Variants in MARK3 observed in about 807,000 individuals in gnomAD.
MARK3 encodes microtubule affinity regulating kinase 3.
A neutral mutation model predicts 90.1 loss-of-function variants in MARK3; 46 were observed. That is an observed-to-expected ratio of 0.51 (90% CI 0.40 to 0.65). The LOEUF is 0.65. Among genes scored for constraint, MARK3 ranks in the 30% least tolerant of loss-of-function variants. MARK3 has a pLI of 0.00. For synonymous variants in MARK3, 321 were observed against 332.6 expected (o/e 0.97, Z 0.38); for missense variants, 818 against 947.2 (o/e 0.86, Z 1.79).
At chr14:103,462,924 T>G (rs2093429407) in intron 7 of MARK3, among the ~76,000 whole-genome samples, 1 of 152,060 alleles carries the variant, frequency 6.6e-6, no homozygotes, top group African/African-American at 2.4e-5. Context: ...GCAGAAACTC[T>G]CATTTTCTAC....
At chr14:103,461,135 G>T (rs933142205) in intron 6 of MARK3, among the ~76,000 whole-genome samples, 1 of 152,178 alleles carries the variant, frequency 6.6e-6, no homozygotes, top group Non-Finnish European at 1.5e-5. Context: ...AAGAGTTGAT[G>T]ATGATTTGGA....
intron 12 of MARK3, among the ~76,000 whole-genome samples, chr14:103,470,317 C>CAGT (rs963888118): frequency 6.6e-6 from 1 of 152,118 alleles, no homozygotes; most frequent in African/African-American, 2.4e-5. Flanking sequence ...CCAGGCTCTA[C>CAGT]AGTTGCTCTG....
intron 1 of MARK3, among the ~76,000 whole-genome samples, chr14:103,392,690 T>C (rs1444163160): frequency 6.6e-6 from 1 of 152,230 alleles, no homozygotes; most frequent in African/African-American, 2.4e-5. Flanking sequence ...TATTAAAAAT[T>C]GTGGTTCTGG....
At chr14:103,484,830 A>AG (rs1292110322) in intron 14 of MARK3, among the ~76,000 whole-genome samples, 1 of 152,046 alleles carries the variant, frequency 6.6e-6, no homozygotes, top group African/African-American at 2.4e-5. Flanking sequence ...CTGAGGCAGG[A>AG]GAATCACTTG....
In MARK3 at chr14:103,416,509, G is replaced by T. The variant is rs140798104; in HGVS notation, c.243+11242G>T. On this transcript the variant is annotated intron_variant, in intron 2 of 17. Transcript: ENST00000429436. ...AAGCAAGCCAGGCGTGGTGGATCAC[G>T]CCTGTAATCCCTGCACTTCGGGAGG... is the stretch of plus-strand genomic sequence containing the variant. Among the ~76,000 whole-genome samples the T allele has an allele frequency of 5.3e-5, 8 of 152,306 alleles. 1 individual carries two copies. In the East Asian group the frequency reaches 9.6e-4, roughly 18 times the overall value.
chr14:103,409,744 T>G (rs1355630743), intron 2 of MARK3, among the ~76,000 whole-genome samples: 1 of 152,176 alleles, frequency 6.6e-6, no homozygotes, highest in African/African-American at 2.4e-5. Flanking sequence ...TGACCATGTC[T>G]GGGTCTTAGT....
intron 6 of MARK3, among the ~76,000 whole-genome samples, chr14:103,459,680 T>A (rs2093355336): frequency 6.6e-6 from 1 of 151,160 alleles, no homozygotes; most frequent in Non-Finnish European, 1.5e-5. Context: ...TTTATTTTTT[T>A]TTTTGTAATT....
At chr14:103,497,154 C>T (rs11849549) in intron 15 of MARK3, among the ~76,000 whole-genome samples, 2,117 of 152,158 alleles carry the variant, frequency 0.014, 44 homozygotes, top group African/African-American at 0.048. Flanking sequence ...TATATTTAGG[C>T]AGTATATATT....
At chr14:103,500,470 G>C (rs2075600898) in intron 17 of MARK3, among the ~76,000 whole-genome samples, 1 of 152,188 alleles carries the variant, frequency 6.6e-6, no homozygotes. Context: ...GGTCTGGGTT[G>C]GGTAGCAGTG....
intron 5 of MARK3, among the ~76,000 whole-genome samples, chr14:103,452,722 C>T (rs893527330): frequency 3.0e-4 from 45 of 151,954 alleles, no homozygotes; most frequent in Non-Finnish European, 4.3e-4. Flanking sequence ...CCGCCCGCCT[C>T]GGCCTCCCAA....
Position 103,386,015 on chromosome 14 carries a change from T to C in MARK3, c.-15T>C. ...GTTTTGACCCTCGCATTGTGCAGAA[T>C]TAAAGTGCAGTAAAATGTCCACTAG... On this transcript the variant is annotated 5_prime_UTR_variant, in exon 1 of 18. Coordinates refer to ENST00000429436, the MANE Select transcript of MARK3 (RefSeq NM_001128918.3). 1 of 1,611,202 alleles carries C rather than the reference T, an allele frequency of 6.2e-7. No individual in the cohort carries two copies. The highest frequency in any genetic ancestry group is 8.5e-7 in the Non-Finnish European group (1 of 1,177,274).
chr14:103,412,272 C>G, intron 2 of MARK3: 1 of 677,378 alleles, frequency 1.5e-6, no homozygotes, highest in Non-Finnish European at 2.6e-6. Flanking sequence ...TGGCCAACAG[C>G]CACAGCCAAA....
chr14:103,423,720 G>A (rs1267029589), intron 2 of MARK3, among the ~76,000 whole-genome samples: 2 of 152,196 alleles, frequency 1.3e-5, no homozygotes, highest in East Asian at 1.9e-4. Flanking sequence ...GAGGGGATTA[G>A]GAACTCCCGC....
At chr14:103,443,161 CA>C (rs2092905789) in intron 3 of MARK3, among the ~76,000 whole-genome samples, 1 of 151,962 alleles carries the variant, frequency 6.6e-6, no homozygotes, top group African/African-American at 2.4e-5. Context: ...CATGACTTAC[CA>C]AAATTAACTC....
intron 6 of MARK3, among the ~76,000 whole-genome samples, chr14:103,462,033 T>TA (rs34942342): frequency 1.4e-5 from 2 of 140,540 alleles, no homozygotes; most frequent in African/African-American, 5.3e-5. Flanking sequence ...GAGACTCTGT[T>TA]AAAAAAAAAA....
At chr14:103,441,345 C>G (rs1048892927) in intron 3 of MARK3, 3 of 152,100 alleles carry the variant, frequency 2.0e-5, no homozygotes, top group Admixed American at 1.3e-4. Context: ...GGTGCAGTGG[C>G]ACGATCTCGG....
chr14:103,485,979 G>A (rs1322953152), intron 14 of MARK3, among the ~76,000 whole-genome samples: 13 of 152,106 alleles, frequency 8.5e-5, no homozygotes, highest in Non-Finnish European at 1.5e-4. Context: ...GAAAAACATT[G>A]CTATTTCTAT....
intron 7 of MARK3, among the ~76,000 whole-genome samples, chr14:103,464,243 G>C (rs1480521797): frequency 6.6e-6 from 1 of 150,944 alleles, no homozygotes; most frequent in Non-Finnish European, 1.5e-5. Flanking sequence ...ATCTGCTGTG[G>C]AGTAGCCACA....
intron 2 of MARK3, among the ~76,000 whole-genome samples, chr14:103,414,244 T>A (rs1471234295): frequency 6.6e-6 from 1 of 151,814 alleles, no homozygotes; most frequent in Non-Finnish European, 1.5e-5. Flanking sequence ...TTGCTCTTGT[T>A]GCCCAGGCTG....
Sources: gnomAD v4.1 joint callset for allele counts (sites outside exome capture counted in the v4.1 genomes callset) on GRCh38, gnomAD v4.1.1 for gene constraint, MANE v1.5 for transcripts, NCBI Gene and HGNC (gene_info 2026-07-23, HGNC 2026-07-21) for gene names.